Variants in TASP1 observed in about 807,000 individuals in gnomAD.
TASP1 encodes the protein threonine aspartase 1.
A neutral mutation model predicts 56.6 loss-of-function variants in TASP1; 16 were observed. The ratio of observed to expected loss-of-function variants is 0.28; its 90% confidence interval spans 0.19 to 0.43. The LOEUF (loss-of-function observed/expected upper bound fraction) is 0.43. Among genes scored for constraint, TASP1 ranks in the 20% least tolerant of loss-of-function variants. TASP1 has a pLI of 1.00. For synonymous variants in TASP1, 179 were observed against 184.2 expected, an observed-to-expected ratio of 0.97 and a Z score of 0.23; for missense variants, 393 against 511.6, an observed-to-expected ratio of 0.77 and a Z score of 2.24.
the TASP1 span, among the ~76,000 whole-genome samples, chr20:13,192,868 T>C: frequency 3.9e-5 from 6 of 151,994 alleles, no homozygotes; most frequent in African/African-American, 1.4e-4. Context: ...TAATAACTTT[T>C]CAGAAGTAAC....
At chr20:13,144,798 G>A in the TASP1 span, among the ~76,000 whole-genome samples, 3 of 151,822 alleles carry the variant, frequency 2.0e-5, no homozygotes, top group Non-Finnish European at 4.4e-5. Flanking sequence ...TTTTTGAGAC[G>A]GAGTCTCGCT....
chr20:13,235,927 C>CT, the TASP1 span, among the ~76,000 whole-genome samples: 615 of 149,596 alleles, frequency 4.1e-3, 6 homozygotes, highest in Middle Eastern at 0.014. Context: ...TTGTACTTCC[C>CT]TTTTTTCTTT....
At chr20:13,635,713 C>A (rs915765359) in intron 1 of TASP1, among the ~76,000 whole-genome samples, 3 of 152,064 alleles carry the variant, frequency 2.0e-5, no homozygotes, top group Admixed American at 1.3e-4. Context: ...CATCTACTGC[C>A]AACCTTTCAA....
At chr20:13,256,776 C>T in the TASP1 span, among the ~76,000 whole-genome samples, 1 of 152,186 alleles carries the variant, frequency 6.6e-6, no homozygotes, top group South Asian at 2.1e-4. Flanking sequence ...GATTCCAAAC[C>T]TCAGTTTTCT....
chr20:13,582,048 C>T (rs2047144947), intron 5 of TASP1, among the ~76,000 whole-genome samples: 1 of 150,818 alleles, frequency 6.6e-6, no homozygotes, highest in Non-Finnish European at 1.5e-5. Context: ...TAAATTAAGG[C>T]CAACAGACTC....
intron 9 of TASP1, among the ~76,000 whole-genome samples, chr20:13,532,080 CCTTCTCTA>C (rs2045243385): frequency 6.6e-6 from 1 of 151,950 alleles, no homozygotes. Flanking sequence ...GCTTCTCTCA[CCTTCTCTA>C]CTTCTCTATG....
intron 10 of TASP1, among the ~76,000 whole-genome samples, chr20:13,485,892 ATGCC>A (rs2043304227): frequency 6.6e-6 from 1 of 152,224 alleles, no homozygotes; most frequent in Non-Finnish European, 1.5e-5. Flanking sequence ...TTATATACAC[ATGCC>A]TGAAGTCAAA....
rs140071117 is a variant in TASP1, at chr20:13,449,847, G to A, written c.986-14693C>T. Reference sequence around the variant, plus strand: ...CACTGTATCCTGAACCCTATAATAGGGAGTCACCCATTAATGCAGGAGGAC... The same window carrying A: ...CACTGTATCCTGAACCCTATAATAGAGAGTCACCCATTAATGCAGGAGGAC... On this transcript the variant is annotated intron_variant, in intron 11 of 13. Transcript: ENST00000337743. Among the ~76,000 whole-genome samples, 545 of 152,030 alleles carry A rather than the reference G, an allele frequency of 3.6e-3. 2 individuals are homozygous for A. Among genetic ancestry groups the A allele is most frequent in the Middle Eastern group, 0.017 (5 of 294 alleles).
At chr20:13,172,208 T>C in the TASP1 span, among the ~76,000 whole-genome samples, 1 of 152,080 alleles carries the variant, frequency 6.6e-6, no homozygotes, top group African/African-American at 2.4e-5. Context: ...AGCGGATGAA[T>C]ATAAAAAGAT....
At chr20:13,197,134 G>A in the TASP1 span, among the ~76,000 whole-genome samples, 2 of 152,172 alleles carry the variant, frequency 1.3e-5, no homozygotes, top group East Asian at 1.9e-4. Context: ...GGAGGCAGGG[G>A]TGCAACACAC....
chr20:13,196,205 G>A, the TASP1 span, among the ~76,000 whole-genome samples: 1 of 152,156 alleles, frequency 6.6e-6, no homozygotes, highest in Non-Finnish European at 1.5e-5. Flanking sequence ...TTTCAAGCTA[G>A]TAAACTGACC....
chr20:13,529,493 A>C lies in TASP1; in HGVS notation c.796-982T>G, dbSNP rs140362324. On this transcript the variant is annotated intron_variant, in intron 9 of 13. Transcript: ENST00000337743. ...TTGATAAGAATGAGAAACTTGAAAC[A>C]ACCTAAATGTCAATCAGTGAGGAAA... 5.1e-3 allele frequency among the ~76,000 whole-genome samples: 775 copies of C among 152,324 alleles called. 3 individuals are homozygous for C. Among genetic ancestry groups the C allele is most frequent in the East Asian group, 0.011 (59 of 5,174 alleles).
At chr20:13,191,869 T>A in the TASP1 span, among the ~76,000 whole-genome samples, 1 of 152,192 alleles carries the variant, frequency 6.6e-6, no homozygotes, top group East Asian at 1.9e-4. Context: ...TATGTACAAT[T>A]ATTATGTATC....
the TASP1 span, among the ~76,000 whole-genome samples, chr20:13,219,920 T>A: frequency 1.3e-5 from 2 of 152,110 alleles, no homozygotes; most frequent in African/African-American, 2.4e-5. Context: ...TAAATCTTTC[T>A]AGGACGCGGA....
chr20:13,481,086 C>T (rs965161274), intron 11 of TASP1, among the ~76,000 whole-genome samples: 4 of 151,948 alleles, frequency 2.6e-5, no homozygotes, highest in African/African-American at 9.7e-5. Context: ...GTTAAGCATC[C>T]CCACCTCCCG....
rs1460639392 is a variant in TASP1 at position 13,498,328 on chromosome 20, C to A, written c.875-14991G>T. 5.0e-5 allele frequency among the ~76,000 whole-genome samples: 5 copies of A among 99,830 alleles called. No homozygotes were observed. The East Asian group carries it at 1.5e-3, about 29-fold the overall frequency. The allele number at this position is 99,830 out of a possible 152,430, so 65.5% of individuals were successfully genotyped here. On this transcript the variant is annotated intron_variant, in intron 10 of 13. Coordinates refer to ENST00000337743, the MANE Select transcript of TASP1 (RefSeq NM_017714.3). ...GACATGAACAAACACTTTTTCTTTT[C>A]TTTTGTGTGTGTGTGTGTGTGTGTG...
At position 13,585,719 on chromosome 20, in the gene TASP1, G is replaced by A. The variant is rs996510357; in HGVS notation, c.403+1531C>T. On this transcript the variant is annotated intron_variant, in intron 5 of 13. Coordinates refer to ENST00000337743, the MANE Select transcript of TASP1 (RefSeq NM_017714.3). ...AAAACAATTAACAATACCAAAAATT[G>A]GCAAGGATGCAGAGTAACTGAAAAG... 2.6e-5 allele frequency among the ~76,000 whole-genome samples: 4 copies of A among 152,068 alleles called. No homozygotes were observed. In the East Asian group the frequency reaches 5.8e-4, roughly 22 times the overall value.
At chr20:13,465,519 T>C (rs1428436173) in intron 11 of TASP1, among the ~76,000 whole-genome samples, 2 of 152,044 alleles carry the variant, frequency 1.3e-5, no homozygotes, top group African/African-American at 4.8e-5. Context: ...GCACTCACAG[T>C]AATTAATTTA....
At chr20:13,328,462 A>AC in the TASP1 span, among the ~76,000 whole-genome samples, 3 of 152,094 alleles carry the variant, frequency 2.0e-5, no homozygotes, top group Non-Finnish European at 2.9e-5. Context: ...CTGGGTATAT[A>AC]CCCCCCAAAA....
Sources: gnomAD v4.1 joint callset for allele counts (sites outside exome capture counted in the v4.1 genomes callset) on GRCh38, gnomAD v4.1.1 for gene constraint, MANE v1.5 for transcripts, NCBI Gene and HGNC (gene_info 2026-07-23, HGNC 2026-07-21) for gene names.